The following EPM2A variants were observed in gnomAD, a reference collection of about 807,000 sequenced individuals.
The protein encoded by EPM2A is laforin.
A neutral mutation model predicts 26.5 loss-of-function variants in EPM2A; 21 were observed. The ratio of observed to expected loss-of-function variants is 0.79; its 90% CI spans 0.56 to 1.14. The LOEUF is 1.14. EPM2A is among the 50% of genes most tolerant of loss of function. The pLI is 0.00. For missense variants in EPM2A, 458 were observed against 440.8 expected (o/e 1.04, Z -0.35); for synonymous variants, 217 against 177.6 (o/e 1.22, Z -1.76).
chr6:145,602,396 T>G (rs1781427776), intron 2 of EPM2A, among the ~76,000 whole-genome samples: 1 of 152,250 alleles, frequency 6.6e-6, no homozygotes, highest in African/African-American at 2.4e-5. Flanking sequence ...CCAGATCATC[T>G]GCTTACAATA....
rs1779096249 is a variant in EPM2A at position 145,443,693 on chromosome 6, T to A, written c.555+58829A>T. ...CATCTGCAAACAGGGTGATATGGTT[T>A]GGCTCTGTGTCCCTACCCAAATCTC... is the stretch of plus-strand genomic sequence containing the variant. On this transcript the variant is annotated intron_variant, in intron 4 of 4. Transcript: ENST00000638717. Among the ~76,000 whole-genome samples the A allele has an allele frequency of 2.0e-5, 3 of 152,180 alleles. 1 individual carries two copies. The highest frequency in any genetic ancestry group is 2.0e-4 in the Admixed American group (3 of 15,284).
intron 1 of EPM2A, chr6:145,721,038 C>G (rs934492612): frequency 6.6e-6 from 1 of 152,216 alleles, no homozygotes; most frequent in African/African-American, 2.4e-5. Flanking sequence ...TGAAACATGC[C>G]TGTGGTTTCA....
chr6:145,524,881 C>A (rs384519), intron 2 of EPM2A, among the ~76,000 whole-genome samples: 67,803 of 151,786 alleles, frequency 0.45, 15,180 homozygotes, highest in South Asian at 0.58. Context: ...AGCTTTTCTT[C>A]TAAGATTCTT....
Position 145,696,775 on chromosome 6 carries a change from A to ATGTGTGTG in EPM2A, c.302-10487_302-10480dup, listed in dbSNP as rs35621582. Among the ~76,000 whole-genome samples, 296 of 135,294 alleles carry ATGTGTGTG rather than the reference A, an allele frequency of 2.2e-3. 3 individuals are homozygous for ATGTGTGTG. Among genetic ancestry groups the ATGTGTGTG allele is most frequent in the African/African-American group, 5.3e-3 (195 of 36,628 alleles). The allele number at this position is 135,294 out of a possible 152,430, so 88.8% of individuals were successfully genotyped here. On this transcript the variant is annotated intron_variant, in intron 1 of 3. Coordinates refer to ENST00000367519, the MANE Select transcript of EPM2A (RefSeq NM_005670.4). ...TCAAACATCTGGCACAGGTAGGGGT[A>ATGTGTGTG]TGTGTGTGTGTGTGTGTGTGTGTGT...
chr6:145,602,547 G>T (rs987043346), intron 2 of EPM2A, among the ~76,000 whole-genome samples: 1 of 152,172 alleles, frequency 6.6e-6, no homozygotes, highest in African/African-American at 2.4e-5. Context: ...GCAGCTTTGT[G>T]TCATAATGCC....
intron 4 of EPM2A, among the ~76,000 whole-genome samples, chr6:145,469,946 T>G (rs1239815396): frequency 6.6e-6 from 1 of 152,124 alleles, no homozygotes; most frequent in Non-Finnish European, 1.5e-5. Flanking sequence ...CATGTTCTCA[T>G]GTATTTGTGG....
intron 4 of EPM2A, among the ~76,000 whole-genome samples, chr6:145,441,473 A>G (rs1365508367): frequency 2.6e-5 from 4 of 152,218 alleles, no homozygotes; most frequent in African/African-American, 9.7e-5. Flanking sequence ...AAATTCCTGC[A>G]GCCTGCTTGA....
At chr6:145,596,375 T>C (rs1379449689) in intron 2 of EPM2A, among the ~76,000 whole-genome samples, 1 of 152,200 alleles carries the variant, frequency 6.6e-6, no homozygotes, top group South Asian at 2.1e-4. Context: ...CTAAACAATA[T>C]GCATCTAATA....
chr6:145,625,019 A>G (rs896172943), downstream of EPM2A, among the ~76,000 whole-genome samples: 1 of 152,224 alleles, frequency 6.6e-6, no homozygotes, highest in Admixed American at 6.5e-5. Context: ...CCGTGATTGA[A>G]AAGTTTTGTT....
intron 1 of EPM2A, among the ~76,000 whole-genome samples, chr6:145,691,797 T>G (rs542752878): frequency 6.6e-6 from 1 of 151,928 alleles, no homozygotes; most frequent in Non-Finnish European, 1.5e-5. Flanking sequence ...AATGTTCAAT[T>G]ATGAACCAGA....
chr6:145,554,431 GA>G (rs1780696475), intron 2 of EPM2A, among the ~76,000 whole-genome samples: 1 of 137,538 alleles, frequency 7.3e-6, no homozygotes, highest in Non-Finnish European at 1.5e-5. Context: ...ATGATAGATA[GA>G]TAGATAGATA....
intron 4 of EPM2A, among the ~76,000 whole-genome samples, chr6:145,493,629 AT>A: frequency 6.6e-6 from 1 of 152,162 alleles, no homozygotes; most frequent in South Asian, 2.1e-4. Flanking sequence ...TCGGTTTGTC[AT>A]ATATGGCTCT....
At chr6:145,502,664 C>T (rs947922841) in intron 2 of EPM2A, 3 of 453,408 alleles carry the variant, frequency 6.6e-6, no homozygotes, top group African/African-American at 2.0e-5. Flanking sequence ...TCTTAGGAAA[C>T]ACCTTGAAAA....
intron 4 of EPM2A, among the ~76,000 whole-genome samples, chr6:145,438,156 T>C (rs1172925903): frequency 6.6e-6 from 1 of 152,140 alleles, no homozygotes; most frequent in African/African-American, 2.4e-5. Flanking sequence ...AAGTCAAATC[T>C]AAAGAACAAT....
At chr6:145,405,305 T>C (rs563571662) in intron 4 of EPM2A, among the ~76,000 whole-genome samples, 1 of 152,296 alleles carries the variant, frequency 6.6e-6, no homozygotes, top group East Asian at 1.9e-4. Context: ...CTACGGCCTA[T>C]GTTCTGATGA....
intron 2 of EPM2A, among the ~76,000 whole-genome samples, chr6:145,531,553 C>T (rs388394): frequency 0.46 from 69,273 of 152,044 alleles, 15,828 homozygotes; most frequent in South Asian, 0.59. Flanking sequence ...ATGTATGGTG[C>T]GGTTCAAATG....
chr6:145,665,518 A>G (rs963532543), intron 2 of EPM2A, among the ~76,000 whole-genome samples: 69 of 129,646 alleles, frequency 5.3e-4, no homozygotes, highest in African/African-American at 2.0e-3. Flanking sequence ...TGAGGCAATA[A>G]TCAATAGTTT....
chr6:145,438,296 G>T (rs1416403097), intron 4 of EPM2A, among the ~76,000 whole-genome samples: 1 of 152,052 alleles, frequency 6.6e-6, no homozygotes, highest in East Asian at 1.9e-4. Flanking sequence ...GACAGTACAG[G>T]GAGGTATTCT....
intron 1 of EPM2A, among the ~76,000 whole-genome samples, chr6:145,718,838 A>G (rs1775789101): frequency 6.6e-6 from 1 of 152,238 alleles, no homozygotes; most frequent in African/African-American, 2.4e-5. Flanking sequence ...TTCTCAAAAG[A>G]AGACATTTAT....
Sources: allele counts gnomAD v4.1 joint callset (sites outside exome capture counted in the v4.1 genomes callset), GRCh38; gene constraint gnomAD v4.1.1; transcripts MANE v1.5; gene names NCBI Gene and HGNC (gene_info 2026-07-23, HGNC 2026-07-21).